NAPEPLD: variants seen among roughly 807,000 people sequenced by gnomAD.
The protein encoded by NAPEPLD is N-acyl-phosphatidylethanolamine-hydrolyzing phospholipase D.
Under a neutral mutation model 38.1 loss-of-function variants are expected in NAPEPLD, and 23 were observed. The ratio of observed to expected loss-of-function variants is 0.60; its 90% confidence interval spans 0.43 to 0.86. The LOEUF (loss-of-function observed/expected upper bound fraction) is 0.86, where lower values mean the gene tolerates loss of function less well. NAPEPLD is among the 40% of genes least tolerant of loss of function. The pLI, the probability that NAPEPLD is intolerant of heterozygous loss-of-function variation, is 0.00. For missense variants in NAPEPLD, 411 were observed against 476.8 expected (o/e 0.86, Z 1.28); for synonymous variants, 147 against 162.0 (o/e 0.91, Z 0.71).
intron 1 of NAPEPLD, among the ~76,000 whole-genome samples, chr7:103,130,012 A>C (rs1808593270): frequency 6.6e-6 from 1 of 152,240 alleles, no homozygotes; most frequent in Admixed American, 6.5e-5. Context: ...AAAAGTGATA[A>C]GTAACGTATC....
intron 1 of NAPEPLD, among the ~76,000 whole-genome samples, chr7:103,147,135 G>A (rs996246378): frequency 1.3e-5 from 2 of 152,120 alleles, no homozygotes; most frequent in Non-Finnish European, 2.9e-5. Context: ...AAATTCAAAA[G>A]ACAAATCAAG....
chr7:103,117,684 C>T (rs1805839368), intron 3 of NAPEPLD, among the ~76,000 whole-genome samples: 1 of 152,174 alleles, frequency 6.6e-6, no homozygotes, highest in Non-Finnish European at 1.5e-5. Context: ...CACAATTTAA[C>T]TCTCTTAGGG....
Position 103,101,588 on chromosome 7 carries a change from T to C in NAPEPLD, c.*1841A>G, listed in dbSNP as rs1458214411. ...AGTGATATCTTAAGAAATCATTTTC[T>C]CCCTTATATTTTCTAAAGTGCTTTA... On this transcript the variant is annotated 3_prime_UTR_variant, in exon 5 of 5. Coordinates refer to ENST00000465647, the MANE Select transcript of NAPEPLD (RefSeq NM_001122838.3). The C allele has an allele frequency of 1.3e-5, 2 of 152,650 alleles. No individual in the cohort carries two copies. Among genetic ancestry groups the C allele is most frequent in the African/African-American group, 4.8e-5 (2 of 41,462 alleles). 9.5% of individuals were successfully genotyped at this position (152,650 alleles called of 1,614,324 possible). A position where few individuals can be genotyped will look rare whatever the true frequency, so the allele number is the denominator to read the frequency against.
At chr7:103,105,635 G>A (rs1803154266) in intron 4 of NAPEPLD, among the ~76,000 whole-genome samples, 1 of 152,180 alleles carries the variant, frequency 6.6e-6, no homozygotes, top group Admixed American at 6.5e-5. Flanking sequence ...TATGCAAAGA[G>A]TGTTAAAGTG....
At chr7:103,132,567 C>T (rs1247018373) in intron 1 of NAPEPLD, among the ~76,000 whole-genome samples, 1 of 150,438 alleles carries the variant, frequency 6.6e-6, no homozygotes, top group Non-Finnish European at 1.5e-5. Context: ...CTCATTGACA[C>T]CCAAAGGAAA....
chr7:103,116,987 C>T (rs1477163), intron 3 of NAPEPLD, among the ~76,000 whole-genome samples: 133,294 of 152,272 alleles, frequency 0.88, 61,082 homozygotes, highest in East Asian at 1. Context: ...AGAAGAAAGA[C>T]GTATTATTCC....
intron 2 of NAPEPLD, 191 bp downstream of exon 2, chr7:103,128,292 G>A: frequency 1.6e-6 from 1 of 621,126 alleles, no homozygotes; most frequent in Non-Finnish European, 2.7e-6. Context: ...ACCTCTAGTT[G>A]CCACCAGATC....
rs534746078 is a variant in NAPEPLD, at chr7:103,112,137, G to A, written c.1056+2923C>T. On this transcript the variant is annotated intron_variant, in intron 4 of 4. Coordinates refer to ENST00000465647, the MANE Select transcript of NAPEPLD (RefSeq NM_001122838.3). ...GGAGTGGATGTGGAGAAATAGGAAT[G>A]CTTTTACACTGTTGGTGGGAGTGTA... Among the ~76,000 whole-genome samples, 17 of 152,262 alleles carry A rather than the reference G, an allele frequency of 1.1e-4. No homozygotes were observed. In the South Asian group the frequency reaches 3.5e-3, roughly 32 times the overall value.
At chr7:103,149,228 G>T, upstream of NAPEPLD, 2 of 996,664 alleles carry the variant, frequency 2.0e-6, no homozygotes, top group Non-Finnish European at 2.4e-6. Context: ...ATCCCGGGCC[G>T]CGGGCGCGCG....
intron 4 of NAPEPLD, among the ~76,000 whole-genome samples, chr7:103,110,742 G>C (rs1804346757): frequency 6.6e-6 from 1 of 152,130 alleles, no homozygotes; most frequent in Non-Finnish European, 1.5e-5. Flanking sequence ...AATCAGGCAA[G>C]AGAAAGAAAT....
At chr7:103,143,079 AC>A (rs1244002966) in intron 1 of NAPEPLD, among the ~76,000 whole-genome samples, 3 of 68,032 alleles carry the variant, frequency 4.4e-5, no homozygotes, top group African/African-American at 9.6e-5. Context: ...AAACAAAAAA[AC>A]AAAAAAACAA....
At position 103,103,220 on chromosome 7, in the gene NAPEPLD, T is replaced by C; in HGVS notation, c.*209A>G. 2.6e-6 allele frequency: 1 copy of C among 390,192 alleles called. No individual in the cohort carries two copies. The highest frequency in any genetic ancestry group is 4.5e-6 in the Non-Finnish European group (1 of 224,188). 24.2% of individuals were successfully genotyped at this position (390,192 alleles called of 1,614,324 possible). A position where few individuals can be genotyped will look rare whatever the true frequency, so the allele number is the denominator to read the frequency against. On this transcript the variant is annotated 3_prime_UTR_variant, in exon 5 of 5. Transcript: ENST00000465647. ...AAAATCCACATTAGCCAATTCATTATTTAAATGACCCACCCCTGAACCCTC... is the reference window on the plus strand; with the variant it reads ...AAAATCCACATTAGCCAATTCATTACTTAAATGACCCACCCCTGAACCCTC...
chr7:103,115,834 G>A (rs1029925407), intron 3 of NAPEPLD, among the ~76,000 whole-genome samples: 2 of 152,108 alleles, frequency 1.3e-5, no homozygotes, highest in Admixed American at 6.6e-5. Context: ...TGTAAATTAG[G>A]GAATGGGTTA....
chr7:103,127,181 C>G (rs550116702), intron 2 of NAPEPLD: 2 of 152,222 alleles, frequency 1.3e-5, no homozygotes, highest in African/African-American at 4.8e-5. Flanking sequence ...ATTTTCAGAA[C>G]ACTGGTGCCA....
chr7:103,104,406 C>G (rs926169961), intron 4 of NAPEPLD, among the ~76,000 whole-genome samples: 1 of 152,104 alleles, frequency 6.6e-6, no homozygotes, highest in Non-Finnish European at 1.5e-5. Flanking sequence ...TTCTACGGCA[C>G]GCACTGTTCA....
rs1232871744 is a variant in NAPEPLD at position 103,141,237 on chromosome 7, GT to G, written c.-17+7573del. 5 of 79,136 alleles carry G rather than the reference GT, an allele frequency of 6.3e-5. No individual in the cohort carries two copies. The Admixed American group carries it at 8.2e-4, about 13-fold the overall frequency. 4.9% of individuals were successfully genotyped at this position (79,136 alleles called of 1,614,324 possible). A position where few individuals can be genotyped will look rare whatever the true frequency, so the allele number is the denominator to read the frequency against. On this transcript the variant is annotated intron_variant, in intron 1 of 4. Transcript: ENST00000465647. ...AATGTACATCAGAATTACCTGTGGA[GT>G]TGTTTTTTTTTTTTTTTTTTTTTTT...
chr7:103,121,516 C>A (rs185253307), intron 2 of NAPEPLD, among the ~76,000 whole-genome samples: 2 of 152,170 alleles, frequency 1.3e-5, no homozygotes, highest in East Asian at 3.9e-4. Context: ...TCCAGAGCAC[C>A]TGGCTTTGTC....
upstream of NAPEPLD, chr7:103,149,231 G>A (rs988039206): frequency 7.0e-6 from 7 of 995,832 alleles, no homozygotes; most frequent in Admixed American, 1.2e-4. Flanking sequence ...CCGGGCCGCG[G>A]GCGCGCGGCC....
intron 3 of NAPEPLD, among the ~76,000 whole-genome samples, chr7:103,117,999 A>G (rs1805895722): frequency 6.6e-6 from 1 of 152,212 alleles, no homozygotes; most frequent in Non-Finnish European, 1.5e-5. Flanking sequence ...TCTAGCCAAC[A>G]TGGTGAAACC....
Sources: allele counts gnomAD v4.1 joint callset (sites outside exome capture counted in the v4.1 genomes callset), GRCh38; gene constraint gnomAD v4.1.1; transcripts MANE v1.5; gene names NCBI Gene and HGNC (gene_info 2026-07-23, HGNC 2026-07-21).